Variants in VAT1L observed in about 807,000 individuals in gnomAD.
The protein encoded by VAT1L is vesicle amine transport 1 like.
In VAT1L, 34 loss-of-function variants were observed where a neutral mutation model predicts 44.1. That is an observed-to-expected ratio of 0.77 (90% CI 0.59 to 1.03). VAT1L has a LOEUF of 1.03. Among genes scored for constraint, VAT1L ranks in the 50% least tolerant of loss-of-function variants. VAT1L has a pLI of 0.00. For missense variants in VAT1L, 615 were observed against 538.8 expected (o/e 1.14, Z -1.40); for synonymous variants, 253 against 202.2 (o/e 1.25, Z -2.13).
intron 4 of VAT1L, among the ~76,000 whole-genome samples, chr16:77,867,580 G>C (rs2016988522): frequency 1.3e-5 from 2 of 152,082 alleles, no homozygotes; most frequent in Admixed American, 6.6e-5. Flanking sequence ...TTTAAGGCCA[G>C]GCTTTGGTGG....
chr16:77,865,630 A>G (rs1334511576), intron 4 of VAT1L, among the ~76,000 whole-genome samples: 1 of 152,210 alleles, frequency 6.6e-6, no homozygotes, highest in African/African-American at 2.4e-5. Flanking sequence ...ACTGATGGAG[A>G]AATCAGAAAC....
intron 4 of VAT1L, among the ~76,000 whole-genome samples, chr16:77,866,361 T>C (rs917837577): frequency 3.9e-5 from 6 of 151,994 alleles, no homozygotes; most frequent in African/African-American, 1.5e-4. Flanking sequence ...CCTTAAAAAA[T>C]GATAATTATG....
At chr16:77,871,108 A>G (rs1251426112) in intron 4 of VAT1L, among the ~76,000 whole-genome samples, 1 of 152,172 alleles carries the variant, frequency 6.6e-6, no homozygotes, top group Non-Finnish European at 1.5e-5. Context: ...CTACCCTTGA[A>G]AGGAGCAATA....
intron 7 of VAT1L, among the ~76,000 whole-genome samples, chr16:77,886,990 C>T (rs922107670): frequency 1.3e-5 from 2 of 152,100 alleles, no homozygotes; most frequent in African/African-American, 4.8e-5. Flanking sequence ...ATTTTATCTT[C>T]CAAGAGCCAG....
intron 7 of VAT1L, among the ~76,000 whole-genome samples, chr16:77,970,468 G>C (rs1013931542): frequency 6.6e-6 from 1 of 152,176 alleles, no homozygotes; most frequent in Non-Finnish European, 1.5e-5. Flanking sequence ...ATGCATGTCA[G>C]TTCTCATTTA....
At chr16:77,931,667 G>A (rs1680115754) in intron 7 of VAT1L, among the ~76,000 whole-genome samples, 1 of 152,156 alleles carries the variant, frequency 6.6e-6, no homozygotes, top group Admixed American at 6.5e-5. Context: ...TTGTACAGTG[G>A]AATCCTAGTA....
chr16:77,902,838 T>G (rs1237526157), intron 7 of VAT1L, among the ~76,000 whole-genome samples: 3 of 151,724 alleles, frequency 2.0e-5, no homozygotes, highest in Non-Finnish European at 4.4e-5. Flanking sequence ...CTGGGAATGG[T>G]TGTCCACTCC....
chr16:77,817,219 T>C (rs991764708), intron 2 of VAT1L, among the ~76,000 whole-genome samples, 169 bp downstream of exon 2: 5 of 152,232 alleles, frequency 3.3e-5, no homozygotes, highest in African/African-American at 9.6e-5. Flanking sequence ...TCATGCCTTT[T>C]TTATAGACTA....
intron 3 of VAT1L, among the ~76,000 whole-genome samples, chr16:77,862,079 G>C (rs1425372807): frequency 6.6e-6 from 1 of 152,192 alleles, no homozygotes; most frequent in Non-Finnish European, 1.5e-5. Flanking sequence ...GGCATTGTAA[G>C]ATATCAGTTT....
chr16:77,910,789 G>C (rs2017492436), intron 7 of VAT1L, among the ~76,000 whole-genome samples: 1 of 152,004 alleles, frequency 6.6e-6, no homozygotes, highest in Admixed American at 6.6e-5. Context: ...CATTAGTTAA[G>C]CTACTACTTC....
chr16:77,835,061 T>G (rs2016624439), intron 3 of VAT1L, among the ~76,000 whole-genome samples: 2 of 152,180 alleles, frequency 1.3e-5, no homozygotes, highest in African/African-American at 4.8e-5. Context: ...TTAATTTCAT[T>G]CCCCCAAACC....
intron 7 of VAT1L, among the ~76,000 whole-genome samples, chr16:77,940,736 T>G (rs1023814653): frequency 5.9e-5 from 9 of 152,314 alleles, no homozygotes; most frequent in Admixed American, 3.3e-4. Flanking sequence ...AGTGGTTTTC[T>G]GTCTGTCTTC....
Position 77,884,809 on chromosome 16 carries a change from A to G in VAT1L, c.1077+7A>G. 1 of 1,471,928 alleles carries G rather than the reference A, an allele frequency of 6.8e-7. No homozygotes were observed. Among genetic ancestry groups the G allele is most frequent in the Non-Finnish European group, 9.0e-7 (1 of 1,113,456 alleles). The allele number at this position is 1,471,928 out of a possible 1,614,324, so 91.2% of individuals were successfully genotyped here. On this transcript the variant is annotated splice_region_variant and intron_variant, in intron 7 of 8. Coordinates refer to ENST00000302536, the MANE Select transcript of VAT1L (RefSeq NM_020927.3). This position sits in a 1 kb window ranked among gnomAD's most constrained non-coding sequence, Gnocchi z 4.5. Reference sequence around the variant, plus strand: ...CTTGTGGGCTCTGGAGGAGGTAAGAATGGTGCTTTTCTTCTGCAAATAAAC... The same window carrying G: ...CTTGTGGGCTCTGGAGGAGGTAAGAGTGGTGCTTTTCTTCTGCAAATAAAC...
At chr16:77,890,139 G>T (rs1268663318) in intron 7 of VAT1L, among the ~76,000 whole-genome samples, 1 of 151,990 alleles carries the variant, frequency 6.6e-6, no homozygotes, top group African/African-American at 2.4e-5. Flanking sequence ...GGTGGGGCTT[G>T]CTTGGTATGG....
At chr16:77,818,805 G>A (rs2016399370) in intron 2 of VAT1L, among the ~76,000 whole-genome samples, 1 of 152,192 alleles carries the variant, frequency 6.6e-6, no homozygotes, top group Non-Finnish European at 1.5e-5. Flanking sequence ...GTTAGGGTGT[G>A]ATATGGGAGA....
chr16:77,866,838 G>C (rs559208508), intron 4 of VAT1L, among the ~76,000 whole-genome samples: 98 of 152,262 alleles, frequency 6.4e-4, no homozygotes, highest in African/African-American at 2.3e-3. Context: ...TAGAAACCTT[G>C]AGTTGTGTGT....
intron 1 of VAT1L, among the ~76,000 whole-genome samples, chr16:77,793,417 G>T (rs1041005548): frequency 6.6e-6 from 1 of 152,154 alleles, no homozygotes; most frequent in African/African-American, 2.4e-5. Context: ...TCATAAACTG[G>T]AACTGTCTTA....
chr16:77,842,541 G>C (rs1181471738), intron 3 of VAT1L, among the ~76,000 whole-genome samples: 1 of 152,154 alleles, frequency 6.6e-6, no homozygotes, highest in Non-Finnish European at 1.5e-5. Context: ...TCTTAAATAG[G>C]AGTTTTCTAG....
intron 7 of VAT1L, among the ~76,000 whole-genome samples, chr16:77,940,247 A>G (rs2017863108): frequency 6.6e-6 from 1 of 152,174 alleles, no homozygotes; most frequent in South Asian, 2.1e-4. Flanking sequence ...ATTTCAAGCT[A>G]CAAATGTGCT....
Sources: gnomAD v4.1 joint callset for allele counts (sites outside exome capture counted in the v4.1 genomes callset) on GRCh38, gnomAD v4.1.1 for gene constraint, Gnocchi (gnomAD v3.1) non-coding constraint, MANE v1.5 for transcripts, NCBI Gene and HGNC (gene_info 2026-07-23, HGNC 2026-07-21) for gene names.